Variants in DNAAF9 observed in about 807,000 individuals in gnomAD.
The protein encoded by DNAAF9 is dynein axonemal assembly factor 9.
DNAAF9 carries 90 observed loss-of-function variants against 167.0 expected under a neutral mutation model. The observed-to-expected ratio is 0.54, with a 90% CI of 0.45 to 0.64. DNAAF9 has a LOEUF of 0.64. Among genes scored for constraint, DNAAF9 ranks in the 30% least tolerant of loss-of-function variants. The pLI is 0.00. For missense variants in DNAAF9, 1,315 were observed against 1,442.2 expected (o/e 0.91, Z 1.43); for synonymous variants, 491 against 508.8 (o/e 0.96, Z 0.47).
At chr20:3,306,323 A>G (rs1201379968) in intron 20 of DNAAF9, among the ~76,000 whole-genome samples, 1 of 152,022 alleles carries the variant, frequency 6.6e-6, no homozygotes, top group Non-Finnish European at 1.5e-5. Flanking sequence ...ATTTTCCCCT[A>G]TTGCTCAGAA....
At chr20:3,265,877 G>A (rs112083401) in intron 30 of DNAAF9, among the ~76,000 whole-genome samples, 7 of 151,966 alleles carry the variant, frequency 4.6e-5, no homozygotes, top group South Asian at 2.1e-4. Context: ...ACAGGGTTTC[G>A]CCATGTTGGC....
intron 28 of DNAAF9, among the ~76,000 whole-genome samples, chr20:3,279,979 A>C (rs2068738507): frequency 6.6e-6 from 1 of 152,176 alleles, no homozygotes; most frequent in Non-Finnish European, 1.5e-5. Context: ...GCAAATCTTC[A>C]TCCTTTTATT....
At chr20:3,260,341 G>A (rs1336253299) in intron 31 of DNAAF9, among the ~76,000 whole-genome samples, 1 of 150,762 alleles carries the variant, frequency 6.6e-6, no homozygotes, top group Non-Finnish European at 1.5e-5. Context: ...GCAAGACTCC[G>A]TCTCAAAAAA....
In DNAAF9 at chr20:3,299,483, T is replaced by G. The variant is rs567371595; in HGVS notation, c.1783-1308A>C. Among the ~76,000 whole-genome samples, 999 of 152,190 alleles carry G rather than the reference T, an allele frequency of 6.6e-3. 9 individuals carry two copies. The highest frequency in any genetic ancestry group is 0.023 in the African/African-American group (956 of 41,534). On this transcript the variant is annotated intron_variant, in intron 21 of 36. Transcript: ENST00000252032. ...CCACCCACCACACCCAGCTAATTTT[T>G]GTATTTTTAGTAGAGATGGGGTTTT...
chr20:3,322,526 C>T, intron 15 of DNAAF9, 126 bp downstream of exon 15: 1 of 846,592 alleles, frequency 1.2e-6, no homozygotes, highest in East Asian at 2.4e-5. Context: ...AGCCCAAGCC[C>T]AACCCTGGAG....
At chr20:3,288,928 C>G (rs1374048269) in intron 26 of DNAAF9, among the ~76,000 whole-genome samples, 3 of 152,152 alleles carry the variant, frequency 2.0e-5, no homozygotes, top group Non-Finnish European at 4.4e-5. Context: ...GCACTCCCAG[C>G]CCTCTACATT....
At chr20:3,373,790 A>G (rs1457331460) in intron 6 of DNAAF9, among the ~76,000 whole-genome samples, 2 of 152,218 alleles carry the variant, frequency 1.3e-5, no homozygotes, top group Non-Finnish European at 2.9e-5. Context: ...AGGAGCAGAC[A>G]GGAAGAACAG....
chr20:3,277,070 G>T (rs570561681), intron 29 of DNAAF9, among the ~76,000 whole-genome samples: 26 of 152,222 alleles, frequency 1.7e-4, no homozygotes, highest in African/African-American at 5.5e-4. Flanking sequence ...ATTCTTGGAA[G>T]TATTCTCTAG....
At chr20:3,260,324 C>A (rs6139052) in intron 31 of DNAAF9, among the ~76,000 whole-genome samples, 1 of 151,774 alleles carries the variant, frequency 6.6e-6, no homozygotes, top group African/African-American at 2.4e-5. Flanking sequence ...CCGGCCTGGG[C>A]GACAGAGCAA....
rs200132878 is a variant in DNAAF9 at position 3,375,108 on chromosome 20, C to G, written c.427G>C (p.Ala143Pro). The G allele has an allele frequency of 6.2e-7, 1 of 1,606,956 alleles. No individual in the cohort carries two copies. The highest frequency in any genetic ancestry group is 8.5e-7 in the Non-Finnish European group (1 of 1,173,654). Residue 143 changes from alanine to proline, a missense_variant, in exon 5 of 37, where the codon GCA (alanine) becomes CCA (proline). Physicochemically the swap from Ala to Pro is conservative, Grantham distance 27. This residue lies in a region of DNAAF9 where 981 missense variants were observed against 1,012.5 expected (regional missense o/e 0.97). Transcript: ENST00000252032. Reference protein sequence around the residue: ...TENEYEDEEAAEEFKITSFVD... With the variant: ...TENEYEDEEAPEEFKITSFVD... Reference sequence around the variant, plus strand: ...AAGCTGGTAATTTTAAATTCTTCTGCGGCTTCTTCATCTTCATACTGAAGA... The same window carrying G: ...AAGCTGGTAATTTTAAATTCTTCTGGGGCTTCTTCATCTTCATACTGAAGA...
rs748573959 is a variant in DNAAF9 at position 3,315,753 on chromosome 20, T to A, written c.1572A>T (p.Lys524Asn). The A allele has an allele frequency of 5.6e-6, 9 of 1,613,824 alleles. No homozygotes were observed. Among genetic ancestry groups the A allele is most frequent in the Non-Finnish European group, 7.6e-6 (9 of 1,179,688 alleles). ...TGCTTACCCTCACTGCTTGCTGGGT[T>A]TTCTCAGACAATTTTACTTCATTAT... Reference protein sequence around the residue: ...VEDNEVKLSEKTQQAVRGDES... With the variant: ...VEDNEVKLSENTQQAVRGDES... The change falls in exon 19 of 37, where the codon AAA becomes AAT. Residue 524 changes from lysine (K) to asparagine (N), a missense_variant. This residue lies in a region of DNAAF9 where 981 missense variants were observed against 1,012.5 expected (regional missense o/e 0.97). Transcript: ENST00000252032. The surrounding 1 kb of genome is among the most constrained non-coding windows in gnomAD (Gnocchi z 4.1).
chr20:3,256,852 G>C (rs1488503948), intron 33 of DNAAF9, among the ~76,000 whole-genome samples: 2 of 152,222 alleles, frequency 1.3e-5, no homozygotes, highest in African/African-American at 4.8e-5. Flanking sequence ...GGCCAAGGGA[G>C]GAGGGCACAG....
At chr20:3,367,540 T>C (rs1483394303) in intron 6 of DNAAF9, among the ~76,000 whole-genome samples, 2 of 152,222 alleles carry the variant, frequency 1.3e-5, no homozygotes, top group Non-Finnish European at 2.9e-5. Context: ...TTCCTTTCAC[T>C]TGAACCTTTA....
chr20:3,266,065 G>A (rs2068485910), intron 30 of DNAAF9, among the ~76,000 whole-genome samples: 1 of 152,172 alleles, frequency 6.6e-6, no homozygotes, highest in African/African-American at 2.4e-5. Flanking sequence ...TGATATTTGA[G>A]AGTACATGTC....
intron 10 of DNAAF9, among the ~76,000 whole-genome samples, chr20:3,338,797 C>T (rs1016235793): frequency 4.6e-5 from 7 of 151,770 alleles, no homozygotes; most frequent in Admixed American, 2.6e-4. Flanking sequence ...GGATAACAGG[C>T]GCCCGCCACC....
intron 1 of DNAAF9, 45 bp downstream of exon 1, chr20:3,407,430 G>A (rs981479296): frequency 2.4e-6 from 3 of 1,266,596 alleles, no homozygotes; most frequent in East Asian, 3.2e-5. Flanking sequence ...CCGACAGCCC[G>A]CATCCCCCGC....
At chr20:3,298,278 G>T in intron 21 of DNAAF9, 103 bp from the exon 22 acceptor site, 1 of 902,592 alleles carries the variant, frequency 1.1e-6, no homozygotes, top group South Asian at 1.6e-5. Context: ...TACAATTATT[G>T]TCACATTACG....
At chr20:3,326,909 T>C (rs1429042937) in intron 12 of DNAAF9, among the ~76,000 whole-genome samples, 1 of 151,898 alleles carries the variant, frequency 6.6e-6, no homozygotes, top group Non-Finnish European at 1.5e-5. Flanking sequence ...GACTCCTCTA[T>C]GTGCAGGAAC....
Position 3,318,419 on chromosome 20 carries a change from C to T in DNAAF9, c.1357-19G>A, listed in dbSNP as rs1314137684. The T allele has an allele frequency of 1.7e-6, 2 of 1,207,038 alleles. No homozygotes were observed. The highest frequency in any genetic ancestry group is 2.5e-6 in the Non-Finnish European group (2 of 811,766). 74.8% of individuals were successfully genotyped at this position (1,207,038 alleles called of 1,614,324 possible). A position where few individuals can be genotyped will look rare whatever the true frequency, so the allele number is the denominator to read the frequency against. On this transcript the variant is annotated intron_variant, in intron 16 of 36. Transcript: ENST00000252032. ...TACAAGCCTGCATTGAATGAGAAAC[C>T]AGTTAGATCAGTTACCAGCCCAAAA...
Sources: gnomAD v4.1 joint callset for allele counts (sites outside exome capture counted in the v4.1 genomes callset) on GRCh38, gnomAD v4.1.1 for gene constraint, gnomAD v4.1.1 regional missense constraint, Gnocchi (gnomAD v3.1) non-coding constraint, MANE v1.5 for transcripts, NCBI Gene and HGNC (gene_info 2026-07-23, HGNC 2026-07-21) for gene names.